SGMS2: variants seen among roughly 807,000 people sequenced by gnomAD.
SGMS2 encodes the protein sphingomyelin synthase 2, also known as phosphatidylcholine:ceramide cholinephosphotransferase 2.
A neutral mutation model predicts 43.8 loss-of-function variants in SGMS2; 21 were observed. That is an observed-to-expected ratio of 0.48 (90% CI 0.34 to 0.69). SGMS2 has a LOEUF of 0.69. Ranked by LOEUF, SGMS2 falls within the 30% of genes least tolerant of loss-of-function variation. The pLI, the probability that SGMS2 is intolerant of heterozygous loss-of-function variation, is 0.01. For missense variants in SGMS2, 384 were observed against 443.2 expected (o/e 0.87, Z 1.20); for synonymous variants, 167 against 160.6 (o/e 1.04, Z -0.30).
At chr4:107,910,057 CA>C (rs1731978525) in intron 6 of SGMS2, among the ~76,000 whole-genome samples, 3 of 152,124 alleles carry the variant, frequency 2.0e-5, no homozygotes, top group Non-Finnish European at 4.4e-5. Flanking sequence ...ATCACTCACA[CA>C]TCCTGAAAAT....
chr4:107,858,798 T>C (rs1325064820), intron 2 of SGMS2, among the ~76,000 whole-genome samples: 2 of 152,266 alleles, frequency 1.3e-5, no homozygotes, highest in Non-Finnish European at 2.9e-5. Flanking sequence ...TTCTCGGTCT[T>C]GGATTGCCGT....
At chr4:107,869,804 C>G (rs1203115912) in intron 2 of SGMS2, among the ~76,000 whole-genome samples, 1 of 152,040 alleles carries the variant, frequency 6.6e-6, no homozygotes, top group African/African-American at 2.4e-5. Flanking sequence ...ATGGGGTTCA[C>G]TGTAGTATTT....
intron 2 of SGMS2, among the ~76,000 whole-genome samples, chr4:107,882,746 G>C (rs921003016): frequency 1.3e-5 from 2 of 152,092 alleles, no homozygotes; most frequent in Non-Finnish European, 2.9e-5. Flanking sequence ...AGTGACAACA[G>C]TTTTCTTTTT....
At chr4:107,850,727 C>T (rs776136373) in intron 1 of SGMS2, among the ~76,000 whole-genome samples, 4 of 152,282 alleles carry the variant, frequency 2.6e-5, no homozygotes, top group Non-Finnish European at 4.4e-5. Context: ...GACCTATTTA[C>T]GTGGTCAGCA....
rs746523118 is a variant in SGMS2, at chr4:107,895,702, G to A, written c.149G>A (p.Arg50Gln). The change falls in exon 3 of 7, where the codon CGA (arginine) becomes CAA (glutamine). Residue 50 changes from arginine to glutamine, a missense_variant. By Grantham distance (43) the Arg-to-Gln change is conservative. Coordinates refer to ENST00000690982, the MANE Select transcript of SGMS2 (RefSeq NM_001375905.1). ...CCCAAGAGCTTATCCAGTGGGCTGC[G>A]AAAAGGCACCAAAAAGTACCCGGAC... ...GKPKSLSSGL[R>Q]KGTKKYPDYI... is the part of the protein sequence containing the mutation. 15 of 1,613,946 alleles carry A rather than the reference G, an allele frequency of 9.3e-6. No individual in the cohort carries two copies. Among genetic ancestry groups the A allele is most frequent in the Admixed American group, 1.7e-5 (1 of 59,962 alleles).
intron 1 of SGMS2, among the ~76,000 whole-genome samples, chr4:107,828,386 A>G (rs1725713671): frequency 6.6e-6 from 1 of 152,222 alleles, no homozygotes; most frequent in Non-Finnish European, 1.5e-5. Context: ...TAGGGAAATT[A>G]AGTAACTTTC....
Position 107,859,508 on chromosome 4 carries a change from C to T in SGMS2, c.-245+955C>T, listed in dbSNP as rs185167601. ...CTGGCACTAAGAATGGCAGCTATTT[C>T]TAAATATTTGACACCATTTTGATAT... On this transcript the variant is annotated intron_variant, in intron 2 of 6. Transcript: ENST00000690982. Among the ~76,000 whole-genome samples, 14 of 152,232 alleles carry T rather than the reference C, an allele frequency of 9.2e-5. No individual in the cohort carries two copies. The East Asian group carries it at 1.2e-3, about 13-fold the overall frequency.
At chr4:107,847,651 T>G (rs1427632430) in intron 1 of SGMS2, among the ~76,000 whole-genome samples, 2 of 152,212 alleles carry the variant, frequency 1.3e-5, no homozygotes, top group Admixed American at 6.5e-5. Context: ...GACTAATGTT[T>G]GGGTGTTGCG....
intron 2 of SGMS2, chr4:107,873,333 A>C (rs190650047): frequency 2.6e-5 from 4 of 152,214 alleles, no homozygotes; most frequent in Admixed American, 2.0e-4. Context: ...GGCTTACCTC[A>C]GATTTACCTT....
chr4:107,854,849 C>A (rs1348115126), intron 1 of SGMS2, among the ~76,000 whole-genome samples: 2 of 152,198 alleles, frequency 1.3e-5, no homozygotes, highest in African/African-American at 4.8e-5. Context: ...GCGGTCTTCC[C>A]TGGTCTGCAG....
At chr4:107,825,468 A>C (rs1035454839) in intron 1 of SGMS2, among the ~76,000 whole-genome samples, 8 of 151,554 alleles carry the variant, frequency 5.3e-5, no homozygotes, top group Non-Finnish European at 1.2e-4. Context: ...ATTCATTTGC[A>C]ACCCATTTCG....
At chr4:107,845,239 C>T (rs1479713631) in intron 1 of SGMS2, among the ~76,000 whole-genome samples, 1 of 152,196 alleles carries the variant, frequency 6.6e-6, no homozygotes, top group Non-Finnish European at 1.5e-5. Context: ...TTAGCAGAAC[C>T]TTCCTTCTCC....
intron 1 of SGMS2, among the ~76,000 whole-genome samples, chr4:107,825,620 CTTTTTT>C (rs201101875): frequency 0.05 from 5,822 of 116,222 alleles, 195 homozygotes; most frequent in East Asian, 0.11. Context: ...TTTTCTTTCT[CTTTTTT>C]TTTTTTTTTT....
chr4:107,857,533 T>TAG (rs768973801), intron 1 of SGMS2, among the ~76,000 whole-genome samples: 2 of 135,390 alleles, frequency 1.5e-5, no homozygotes, highest in Non-Finnish European at 3.0e-5. Context: ...AGTTAAAAGA[T>TAG]ATATATATAT....
intron 5 of SGMS2, among the ~76,000 whole-genome samples, chr4:107,906,064 G>GT (rs1731531920): frequency 1.3e-5 from 2 of 152,060 alleles, no homozygotes; most frequent in African/African-American, 2.4e-5. Context: ...GTTTGTGTCT[G>GT]TTTTTTTCTA....
In SGMS2 at chr4:107,910,334, T is replaced by C; in HGVS notation, c.895-16T>C. 6.2e-7 allele frequency: 1 copy of C among 1,603,828 alleles called. No individual in the cohort carries two copies. ...GAAAGATATGTCTCATTTAAATTTT[T>C]TTCTACCATTTACAGAACTTGAAGG... On this transcript the variant is annotated splice_polypyrimidine_tract_variant and intron_variant, in intron 6 of 6. Coordinates refer to ENST00000690982, the MANE Select transcript of SGMS2 (RefSeq NM_001375905.1).
At chr4:107,828,192 T>C (rs1725701381) in intron 1 of SGMS2, among the ~76,000 whole-genome samples, 2 of 152,190 alleles carry the variant, frequency 1.3e-5, no homozygotes, top group Admixed American at 6.5e-5. Flanking sequence ...TTAACATTTC[T>C]ATCTGCCCCC....
intron 2 of SGMS2, among the ~76,000 whole-genome samples, chr4:107,888,157 T>A (rs1729903164): frequency 6.6e-6 from 1 of 152,120 alleles, no homozygotes. Context: ...GGAATGCAGT[T>A]TATTTTGATT....
intron 1 of SGMS2, among the ~76,000 whole-genome samples, chr4:107,845,399 T>C (rs1291870241): frequency 6.6e-6 from 1 of 152,172 alleles, no homozygotes; most frequent in Non-Finnish European, 1.5e-5. Context: ...CTGAGAAGCA[T>C]TGTGAGGTGT....
Sources: gnomAD v4.1 joint callset for allele counts (sites outside exome capture counted in the v4.1 genomes callset) on GRCh38, gnomAD v4.1.1 for gene constraint, MANE v1.5 for transcripts, NCBI Gene and HGNC (gene_info 2026-07-23, HGNC 2026-07-21) for gene names.